USP42: variants seen among roughly 807,000 people sequenced by gnomAD.
USP42 encodes ubiquitin specific peptidase 42, also known as ubiquitin carboxyl-terminal hydrolase 42.
USP42 carries 23 observed loss-of-function variants against 113.0 expected under a neutral mutation model. That is an observed-to-expected ratio of 0.20 (90% CI 0.15 to 0.29). The LOEUF is 0.29. USP42 is among the 10% of genes least tolerant of loss of function. The probability of loss-of-function intolerance (pLI) is 1.00; values close to 1 mark genes in which losing one functional copy is unlikely to be tolerated. For synonymous variants in USP42, 933 were observed against 699.0 expected (o/e 1.33, Z -5.28); for missense variants, 2,174 against 1,779.8 (o/e 1.22, Z -3.99).
Position 6,157,366 on chromosome 7 carries a change from T to TTGGTG in USP42, c.3943+315_3943+316insGTGGT. On this transcript the variant is annotated intron_variant, in intron 16 of 17. Coordinates refer to ENST00000306177, the MANE Select transcript of USP42 (RefSeq NM_032172.3). This position sits in a 1 kb window ranked among gnomAD's most constrained non-coding sequence, Gnocchi z 4.1. The stretch of plus-strand genomic sequence containing the variant: ...TTTGCCTTGCAAAGGACCAGAACTC[T>TTGGTG]TGGTTTGGTTTGGTTTTATTTTATT... The TTGGTG allele has an allele frequency of 1.9e-6, 2 of 1,040,320 alleles. No homozygotes were observed. Among genetic ancestry groups the TTGGTG allele is most frequent in the Non-Finnish European group, 2.3e-6 (2 of 865,930 alleles). 64.4% of individuals were successfully genotyped at this position (1,040,320 alleles called of 1,614,324 possible).
chr7:6,125,987 A>C (rs370978797), intron 3 of USP42, among the ~76,000 whole-genome samples: 51 of 152,280 alleles, frequency 3.3e-4, no homozygotes, highest in African/African-American at 1.2e-3. Flanking sequence ...TATCACAAGC[A>C]CAGTAGTGAC....
chr7:6,142,863 G>A, intron 7 of USP42, 69 bp from the exon 8 acceptor site: 3 of 1,497,578 alleles, frequency 2.0e-6, no homozygotes, highest in Non-Finnish European at 2.8e-6. Context: ...CAGCCTGGGT[G>A]GCAGGGCAAG....
Position 6,154,678 on chromosome 7 carries a change from C to A in USP42, c.3124C>A (p.Arg1042Ser). 6.2e-7 allele frequency: 1 copy of A among 1,605,254 alleles called. No individual in the cohort carries two copies. The highest frequency in any genetic ancestry group is 2.2e-5 in the East Asian group (1 of 44,572). Residue 1042 changes from arginine to serine, a missense_variant, in exon 15 of 18, where the codon CGT (arginine) becomes AGT (serine). Physicochemically the swap from Arg to Ser is moderately radical, Grantham distance 110 (BLOSUM62 -1). Coordinates refer to ENST00000306177, the MANE Select transcript of USP42 (RefSeq NM_032172.3). Reference sequence around the variant, plus strand: ...CAGACACCACTACACCGAGGGCGAGCGTGGCTGGGGCCGGGAGAAGTTCTA... The same window carrying A: ...CAGACACCACTACACCGAGGGCGAGAGTGGCTGGGGCCGGGAGAAGTTCTA... The part of the protein sequence containing the change: ...WVRHHYTEGE[R>S]GWGREKFYPD...
At chr7:6,093,646 A>C in the USP42 span, among the ~76,000 whole-genome samples, 53 of 90,132 alleles carry the variant, frequency 5.9e-4, no homozygotes, top group African/African-American at 1.2e-3. Context: ...TCCTTTCCTT[A>C]CCTCTTTCTT....
At position 6,140,404 on chromosome 7, in the gene USP42, C is replaced by G. The variant is rs763820; in HGVS notation, c.724+209C>G. On this transcript the variant is annotated intron_variant, in intron 6 of 17. Transcript: ENST00000306177. The stretch of plus-strand genomic sequence containing the variant: ...TGTGCATGAATAAACTGGGAGCATA[C>G]TGTGTGCACTGCTTCCATTTGTCTC... Among the ~76,000 whole-genome samples the G allele has an allele frequency of 0.065, 9,932 of 152,232 alleles. 763 individuals are homozygous for G. Among genetic ancestry groups the G allele is most frequent in the East Asian group, 0.43 (2,237 of 5,178 alleles).
At chr7:6,135,541 C>T (rs1214519397) in intron 3 of USP42, among the ~76,000 whole-genome samples, 1 of 147,390 alleles carries the variant, frequency 6.8e-6, no homozygotes, top group Non-Finnish European at 1.5e-5. Context: ...GTCCCAGCTA[C>T]TTGGGAGGCT....
Position 6,156,789 on chromosome 7 carries a change from C to T in USP42, c.3677C>T (p.Ser1226Phe). Residue 1226 changes from serine to phenylalanine, a missense_variant, in exon 16 of 18, where the codon TCT (serine) becomes TTT (phenylalanine). Ser to Phe is a radical substitution (Grantham distance 155). Transcript: ENST00000306177. ...GACTCAGACCTCTCAGCAGCGTGCT[C>T]TGACGCTGACCTCCACAGACACAAA... ...QQDSDLSAACSDADLHRHKKK... is the reference protein window; with the variant it reads ...QQDSDLSAACFDADLHRHKKK... The T allele has an allele frequency of 6.3e-7, 1 of 1,587,948 alleles. No homozygotes were observed. The highest frequency in any genetic ancestry group is 1.2e-5 in the South Asian group (1 of 85,984).
In USP42 at chr7:6,139,683, GA is replaced by G. The variant is rs777071468; in HGVS notation, c.657-444del. The G allele has an allele frequency of 4.3e-6, 1 of 231,930 alleles. No homozygotes were observed. 14.4% of individuals were successfully genotyped at this position (231,930 alleles called of 1,614,324 possible). On this transcript the variant is annotated intron_variant, in intron 5 of 17. Transcript: ENST00000306177. This position sits in a 1 kb window ranked among gnomAD's most constrained non-coding sequence, Gnocchi z 4.5. ...TCCCAAGCCGCTTGGTGCTGTCTGA[GA>G]CACCTGGTAGATCTCCCTCTGCATT...
At chr7:6,092,755 C>G in the USP42 span, among the ~76,000 whole-genome samples, 2 of 151,198 alleles carry the variant, frequency 1.3e-5, no homozygotes, top group East Asian at 1.9e-4. Flanking sequence ...CAAGCTGGGT[C>G]TAAGACCTGG....
At chr7:6,096,286 C>T in the USP42 span, among the ~76,000 whole-genome samples, 1 of 151,258 alleles carries the variant, frequency 6.6e-6, no homozygotes, top group African/African-American at 2.5e-5. Flanking sequence ...CAGCTTATTA[C>T]TTGGTGCCAG....
intron 6 of USP42, 91 bp from the exon 7 acceptor site, chr7:6,140,823 A>T: frequency 1.3e-6 from 1 of 765,996 alleles, no homozygotes; most frequent in Non-Finnish European, 2.1e-6. Context: ...AAAAAATTTT[A>T]AATTTCAAAA....
In USP42 at chr7:6,158,939, C is replaced by A. The variant is rs919152921; in HGVS notation, c.3944-511C>A. 6.7e-6 allele frequency among the ~76,000 whole-genome samples: 1 copy of A among 149,122 alleles called. No individual in the cohort carries two copies. The highest frequency in any genetic ancestry group is 2.5e-4 in the East Asian group (1 of 4,026). On this transcript the variant is annotated intron_variant, in intron 16 of 17. Coordinates refer to ENST00000306177, the MANE Select transcript of USP42 (RefSeq NM_032172.3). The surrounding 1 kb of genome is among the most constrained non-coding windows in gnomAD (Gnocchi z 4.2). ...TCGTGTCTCGGGTGCTGTGGTCAGG[C>A]GTTGTCTGTGTGGTGGCCCTGTGTT...
intron 4 of USP42, 80 bp downstream of exon 4, chr7:6,136,031 G>GCAAGAC: frequency 4.7e-6 from 4 of 850,758 alleles, no homozygotes; most frequent in Non-Finnish European, 5.1e-6. Context: ...TCGAGACAGA[G>GCAAGAC]TCTTGCTCTG....
intron 2 of USP42, among the ~76,000 whole-genome samples, chr7:6,112,308 G>GT (rs1430091456): frequency 3.9e-5 from 6 of 152,082 alleles, no homozygotes; most frequent in African/African-American, 1.4e-4. Flanking sequence ...AATTAGCTGG[G>GT]CATGGTGGTG....
At chr7:6,109,078 G>C (rs1779449803) in intron 1 of USP42, among the ~76,000 whole-genome samples, 1 of 152,172 alleles carries the variant, frequency 6.6e-6, no homozygotes, top group African/African-American at 2.4e-5. Flanking sequence ...GCCTTGAGGA[G>C]GGGTTTCTAA....
At chr7:6,123,981 G>C (rs935600001) in intron 3 of USP42, among the ~76,000 whole-genome samples, 1 of 151,640 alleles carries the variant, frequency 6.6e-6, no homozygotes, top group African/African-American at 2.4e-5. Context: ...GTTCAACTCT[G>C]CCTCCTGCCT....
In USP42 at chr7:6,159,468, T is replaced by C. The variant is rs747735804; in HGVS notation, c.*11T>C. 6.2e-7 allele frequency: 1 copy of C among 1,613,920 alleles called. No homozygotes were observed. The highest frequency in any genetic ancestry group is 1.1e-5 in the South Asian group (1 of 91,078). On this transcript the variant is annotated 3_prime_UTR_variant, in exon 17 of 18. Transcript: ENST00000306177. The surrounding 1 kb of genome is among the most constrained non-coding windows in gnomAD (Gnocchi z 4.1). ...TTTCTAGGTGATTGAAAACTCAGCC[T>C]CAAAACAAAAAATTCACTAGTTATG...
At chr7:6,118,846 T>G (rs1246727109) in intron 3 of USP42, among the ~76,000 whole-genome samples, 1 of 152,174 alleles carries the variant, frequency 6.6e-6, no homozygotes, top group African/African-American at 2.4e-5. Context: ...ACGATCTATT[T>G]CTGGACTCTA....
chr7:6,122,604 G>A (rs1345285317), intron 3 of USP42, among the ~76,000 whole-genome samples: 1 of 151,978 alleles, frequency 6.6e-6, no homozygotes, highest in African/African-American at 2.4e-5. Flanking sequence ...CTGAGTAGCT[G>A]GGATTACAGG....
Sources: gnomAD v4.1 joint callset for allele counts (sites outside exome capture counted in the v4.1 genomes callset) on GRCh38, gnomAD v4.1.1 for gene constraint, Gnocchi (gnomAD v3.1) non-coding constraint, MANE v1.5 for transcripts, NCBI Gene and HGNC (gene_info 2026-07-23, HGNC 2026-07-21) for gene names.